Variants in DMD observed in about 807,000 individuals in gnomAD.
DMD encodes mutant dystrophin.
Under a neutral mutation model 330.1 loss-of-function variants are expected in DMD, and 63 were observed. That is an observed-to-expected ratio of 0.19 (90% confidence interval 0.16 to 0.24). DMD has a LOEUF of 0.24. Among genes scored for constraint, DMD ranks in the 10% least tolerant of loss-of-function variants. The pLI is 1.00. For synonymous variants in DMD, 1,223 were observed against 959.8 expected (o/e 1.27, Z -5.07); for missense variants, 3,344 against 2,684.1 (o/e 1.25, Z -5.43).
chrX:32,663,563 C>G (rs2061087429), intron 9 of DMD, among the ~76,000 whole-genome samples: 1 of 111,407 alleles, frequency 9.0e-6, no homozygotes, highest in Non-Finnish European at 1.9e-5. Flanking sequence ...CTGGCTCTGT[C>G]ACTTAGTACA....
intron 2 of DMD, among the ~76,000 whole-genome samples, chrX:32,882,625 G>C (rs2084071159): frequency 8.9e-6 from 1 of 111,872 alleles, no homozygotes; most frequent in Admixed American, 9.5e-5. Flanking sequence ...TGATCTTCTG[G>C]ACAGCCGTAT....
At chrX:31,611,747 G>A (rs2077931744) in intron 55 of DMD, among the ~76,000 whole-genome samples, 1 of 110,751 alleles carries the variant, frequency 9.0e-6, no homozygotes, top group Admixed American at 9.7e-5. Context: ...TCTTTGTAGA[G>A]ATGGGGCCTT....
chrX:31,621,315 T>TTGA (rs1277898299), intron 55 of DMD, among the ~76,000 whole-genome samples: 7 of 112,243 alleles, frequency 6.2e-5, no homozygotes, highest in African/African-American at 2.3e-4. Context: ...CCTCACCACT[T>TTGA]TGATCATCAA....
At chrX:32,791,346 G>A (rs2075806522) in intron 7 of DMD, among the ~76,000 whole-genome samples, 1 of 111,620 alleles carries the variant, frequency 9.0e-6, no homozygotes. Context: ...CAAAGGGTTA[G>A]CCTGCCTGGA....
At chrX:32,112,972 T>C (rs2096595386) in intron 44 of DMD, among the ~76,000 whole-genome samples, 1 of 112,666 alleles carries the variant, frequency 8.9e-6, no homozygotes, top group African/African-American at 3.2e-5. Context: ...CATGTTGTAA[T>C]TTTACTTATC....
intron 50 of DMD, among the ~76,000 whole-genome samples, chrX:31,796,655 G>C (rs1261461183): frequency 9.0e-6 from 1 of 111,603 alleles, no homozygotes; most frequent in African/African-American, 3.3e-5. Context: ...AAAATTATTT[G>C]AATTAAGATA....
At chrX:32,947,344 C>CT (rs1212846258) in intron 2 of DMD, among the ~76,000 whole-genome samples, 3 of 112,130 alleles carry the variant, frequency 2.7e-5, no homozygotes, top group African/African-American at 6.4e-5. Flanking sequence ...TGTATTAATT[C>CT]TTTTTTTCTC....
At chrX:32,838,405 C>T (rs1398150465) in intron 4 of DMD, among the ~76,000 whole-genome samples, 6 of 110,674 alleles carry the variant, frequency 5.4e-5, no homozygotes, top group Non-Finnish European at 1.1e-4. Flanking sequence ...TAGCCCCCCA[C>T]CCTCTGACAG....
intron 55 of DMD, among the ~76,000 whole-genome samples, chrX:31,512,312 T>G (rs1298397387): frequency 2.8e-5 from 3 of 107,289 alleles, no homozygotes; most frequent in African/African-American, 1.0e-4. Context: ...GTAGTTTCTT[T>G]TGCTGTGCAG....
chrX:31,314,606 C>G (rs1340664224), intron 62 of DMD, among the ~76,000 whole-genome samples: 1 of 111,505 alleles, frequency 9.0e-6, no homozygotes, highest in Non-Finnish European at 1.9e-5. Context: ...AGGACCTGCT[C>G]TTAGAAGCTT....
chrX:31,553,760 T>C (rs925166485), intron 55 of DMD, among the ~76,000 whole-genome samples: 1 of 112,459 alleles, frequency 8.9e-6, no homozygotes, highest in Non-Finnish European at 1.9e-5. Flanking sequence ...TACAGGATTG[T>C]GTGGTAAATT....
At chrX:32,240,331 T>C (rs934336604) in intron 43 of DMD, among the ~76,000 whole-genome samples, 1 of 111,364 alleles carries the variant, frequency 9.0e-6, no homozygotes, top group African/African-American at 3.3e-5. Context: ...AATTAGGTCA[T>C]AAGGCCAAAG....
intron 1 of DMD, among the ~76,000 whole-genome samples, chrX:33,229,455 C>T (rs942309020): frequency 9.0e-6 from 1 of 111,474 alleles, no homozygotes; most frequent in Admixed American, 9.6e-5. Context: ...TGCTCAAACA[C>T]CACTCACTTA....
At chrX:31,751,465 AT>A (rs2088567883) in intron 51 of DMD, among the ~76,000 whole-genome samples, 1 of 112,097 alleles carries the variant, frequency 8.9e-6, no homozygotes, top group East Asian at 2.8e-4. Context: ...ACAAATCATG[AT>A]TTTAAAAAGC....
chrX:31,131,180 A>G (rs1325954354), intron 77 of DMD, among the ~76,000 whole-genome samples: 1 of 112,126 alleles, frequency 8.9e-6, no homozygotes, highest in Non-Finnish European at 1.9e-5. Flanking sequence ...AAAAATCTCA[A>G]AATTTAAATT....
At chrX:33,035,829 C>T (rs1333194393) in intron 1 of DMD, among the ~76,000 whole-genome samples, 2 of 111,365 alleles carry the variant, frequency 1.8e-5, no homozygotes, top group Non-Finnish European at 3.8e-5. Context: ...ATTTTCAAAG[C>T]GTGGTATGAA....
At chrX:32,584,447 C>A (rs2053995122) in intron 13 of DMD, among the ~76,000 whole-genome samples, 2 of 111,733 alleles carry the variant, frequency 1.8e-5, no homozygotes, top group African/African-American at 6.5e-5. Context: ...CAAAAGTTTA[C>A]ATATATACAC....
chrX:33,021,659 C>G (rs1448883903), intron 1 of DMD, among the ~76,000 whole-genome samples: 1 of 111,228 alleles, frequency 9.0e-6, no homozygotes, highest in African/African-American at 3.3e-5. Context: ...TAAGTAGATT[C>G]CTTTAGTCAA....
At chrX:31,192,749 A>G (rs193092978) in intron 67 of DMD, among the ~76,000 whole-genome samples, 24 of 112,169 alleles carry the variant, frequency 2.1e-4, no homozygotes, top group Admixed American at 1.6e-3. Context: ...CGATTTTAAT[A>G]CTGAAATATA....
Sources: allele counts gnomAD v4.1 joint callset (sites outside exome capture counted in the v4.1 genomes callset), GRCh38; gene constraint gnomAD v4.1.1; transcripts MANE v1.5; gene names NCBI Gene and HGNC (gene_info 2026-07-23, HGNC 2026-07-21).